The following SLC45A4 variants were observed in gnomAD, a reference collection of about 807,000 sequenced individuals.
The protein encoded by SLC45A4 is polyamine-transporter SLC45A4.
Under a neutral mutation model 63.7 loss-of-function variants are expected in SLC45A4, and 32 were observed. The observed-to-expected ratio is 0.50, with a 90% confidence interval of 0.38 to 0.67. The LOEUF is 0.67. SLC45A4 is among the 30% of genes least tolerant of loss of function. The pLI, the probability that SLC45A4 is intolerant of heterozygous loss-of-function variation, is 0.00. For synonymous variants in SLC45A4, 535 were observed against 510.0 expected, an observed-to-expected ratio of 1.05 and a Z score of -0.66; for missense variants, 1,027 against 1,157.7, an observed-to-expected ratio of 0.89 and a Z score of 1.64.
intron 1 of SLC45A4, among the ~76,000 whole-genome samples, chr8:141,264,674 C>T (rs1421879259): frequency 6.6e-6 from 1 of 152,196 alleles, no homozygotes; most frequent in Non-Finnish European, 1.5e-5. Context: ...AGAACAACAG[C>T]GCTCCTGCAC....
At chr8:141,289,193 G>A (rs892971973) in intron 1 of SLC45A4, among the ~76,000 whole-genome samples, 1 of 152,154 alleles carries the variant, frequency 6.6e-6, no homozygotes, top group Non-Finnish European at 1.5e-5. Flanking sequence ...AGGGGCAGAG[G>A]CGGGGATGGC....
chr8:141,269,203 A>G (rs1425821741), intron 1 of SLC45A4, among the ~76,000 whole-genome samples: 1 of 152,254 alleles, frequency 6.6e-6, no homozygotes, highest in Non-Finnish European at 1.5e-5. Context: ...TTCACCCTCA[A>G]GAGTGTCCCA....
intron 1 of SLC45A4, among the ~76,000 whole-genome samples, chr8:141,296,501 A>T (rs1157235441): frequency 2.4e-4 from 4 of 16,966 alleles, no homozygotes; most frequent in Non-Finnish European, 4.5e-4. Flanking sequence ...CTCATTTCTT[A>T]AAAAAAAAAA....
intron 2 of SLC45A4, among the ~76,000 whole-genome samples, chr8:141,232,282 C>T (rs1025488690): frequency 8.5e-5 from 13 of 152,270 alleles, no homozygotes; most frequent in African/African-American, 2.9e-4. Flanking sequence ...TGGCCATGGG[C>T]TGGTTCACGT....
At chr8:141,240,294 G>A (rs1468002840) in intron 2 of SLC45A4, among the ~76,000 whole-genome samples, 1 of 152,226 alleles carries the variant, frequency 6.6e-6, no homozygotes. Context: ...TCTAACTCAT[G>A]AGTCAAACTG....
Position 141,229,747 on chromosome 8 carries a change from C to A in SLC45A4, c.242-7982G>T, listed in dbSNP as rs1827242541. Among the ~76,000 whole-genome samples the A allele has an allele frequency of 6.6e-6, 1 of 152,176 alleles. No individual in the cohort carries two copies. ...CCTGCACCTCCCTCACAGCCAAAGC[C>A]TGGCCAACAGCAGGGGCCACAAGGC... On this transcript the variant is annotated intron_variant, in intron 2 of 8. Coordinates refer to ENST00000517878, the MANE Select transcript of SLC45A4 (RefSeq NM_001286646.2). The surrounding 1 kb of genome is among the most constrained non-coding windows in gnomAD (Gnocchi z 5.0).
Position 141,211,324 on chromosome 8 carries a change from T to G in SLC45A4, c.*248A>C. The stretch of plus-strand genomic sequence containing the variant: ...TTCAGACGGGACGAGCGGGGTCACA[T>G]GGCTGGGCGCAGACACACTCACACG... On this transcript the variant is annotated 3_prime_UTR_variant, in exon 9 of 9. Transcript: ENST00000517878. 8.0e-7 allele frequency: 1 copy of G among 1,248,396 alleles called. No homozygotes were observed. The highest frequency in any genetic ancestry group is 1.1e-6 in the Non-Finnish European group (1 of 928,884). 77.3% of individuals were successfully genotyped at this position (1,248,396 alleles called of 1,614,324 possible). A position where few individuals can be genotyped will look rare whatever the true frequency, so the allele number is the denominator to read the frequency against.
intron 1 of SLC45A4, among the ~76,000 whole-genome samples, chr8:141,284,333 T>G (rs1431926944): frequency 6.6e-5 from 10 of 152,158 alleles, no homozygotes; most frequent in Non-Finnish European, 1.3e-4. Context: ...AGTGTGCACT[T>G]GAGGGCACCT....
rs1213709262 is a variant in SLC45A4, at chr8:141,252,774, C to T, written c.241+1215G>A. 1.7e-4 allele frequency among the ~76,000 whole-genome samples: 23 copies of T among 139,324 alleles called. No homozygotes were observed. The South Asian group carries it at 4.0e-3, about 24-fold the overall frequency. 91.4% of individuals were successfully genotyped at this position (139,324 alleles called of 152,430 possible). ...CTGCGTCTGTGAATTTCCGTTTTCA[C>T]GCCCACCTGTGCGTCTGTGAATTTC... On this transcript the variant is annotated intron_variant, in intron 2 of 8. Transcript: ENST00000517878.
At position 141,218,296 on chromosome 8, in the gene SLC45A4, C is replaced by G. The variant is rs1301692674; in HGVS notation, c.1344G>C (p.Leu448=). 1.9e-6 allele frequency: 3 copies of G among 1,605,852 alleles called. No homozygotes were observed. Among genetic ancestry groups the G allele is most frequent in the Non-Finnish European group, 2.5e-6 (3 of 1,179,864 alleles). Residue 448 remains leucine, a synonymous_variant, in exon 5 of 9, where the codon CTG becomes CTC. Transcript: ENST00000517878. Reference sequence around the variant, plus strand: ...CGCTCATGCTGCGCGACGGCTTGATCAGCACCACGGCGTTGGCGCGCCGGT... The same window carrying G: ...CGCTCATGCTGCGCGACGGCTTGATGAGCACCACGGCGTTGGCGCGCCGGT... The part of the protein sequence containing the change: ...YRYRRANAVV[L]IKPSRSMSDL...
chr8:141,234,148 T>C (rs147839936), intron 2 of SLC45A4, among the ~76,000 whole-genome samples: 3 of 152,382 alleles, frequency 2.0e-5, no homozygotes, highest in Admixed American at 6.5e-5. Context: ...TTCTTCTCTA[T>C]GTCCACTGAG....
Position 141,219,699 on chromosome 8 carries a change from C to T in SLC45A4, c.561G>A (p.Val187=). The T allele has an allele frequency of 6.2e-7, 1 of 1,612,626 alleles. No homozygotes were observed. Among genetic ancestry groups the T allele is most frequent in the Non-Finnish European group, 8.5e-7 (1 of 1,179,618 alleles). The change falls in exon 4 of 9, where the codon GTG becomes GTA. Residue 187 remains valine (V), a synonymous_variant. Coordinates refer to ENST00000517878, the MANE Select transcript of SLC45A4 (RefSeq NM_001286646.2). ...GPIRAYLLDV[V]DSEEQDMALN... is the part of the protein sequence containing the mutation. ...GGGCCATGTCCTGCTCCTCGCTGTC[C>T]ACCACGTCCAGCAGATAGGCACGGA... is the stretch of plus-strand genomic sequence containing the variant.
At chr8:141,259,885 G>GA (rs1363838693) in intron 1 of SLC45A4, among the ~76,000 whole-genome samples, 1 of 152,216 alleles carries the variant, frequency 6.6e-6, no homozygotes, top group African/African-American at 2.4e-5. Flanking sequence ...TGAAGCGAAT[G>GA]AATGAATAAG....
At chr8:141,242,575 A>G (rs1827965768) in intron 2 of SLC45A4, among the ~76,000 whole-genome samples, 1 of 152,198 alleles carries the variant, frequency 6.6e-6, no homozygotes. Flanking sequence ...ATGAGAATAC[A>G]AAGTTGCTCA....
At chr8:141,276,076 C>A (rs1477836767) in intron 1 of SLC45A4, among the ~76,000 whole-genome samples, 1 of 152,064 alleles carries the variant, frequency 6.6e-6, no homozygotes, top group Non-Finnish European at 1.5e-5. Flanking sequence ...CCATACCTAG[C>A]TGATTTTTTG....
At chr8:141,228,252 G>C in intron 2 of SLC45A4, 1 of 1,613,926 alleles carries the variant, frequency 6.2e-7, no homozygotes, top group Non-Finnish European at 8.5e-7. Flanking sequence ...CTGAGGCTGG[G>C]CTTGCTTTCC....
Position 141,275,530 on chromosome 8 carries a change from C to T in SLC45A4, c.-400-20901G>A, listed in dbSNP as rs534180805. Reference sequence around the variant, plus strand: ...GGAGGATCACTTGAGTCCTGGAATTCGGGGCTGCAGTGAACCATGACTCCA... The same window carrying T: ...GGAGGATCACTTGAGTCCTGGAATTTGGGGCTGCAGTGAACCATGACTCCA... On this transcript the variant is annotated intron_variant, in intron 1 of 8. Transcript: ENST00000517878. 1.2e-4 allele frequency among the ~76,000 whole-genome samples: 18 copies of T among 151,210 alleles called. No homozygotes were observed. The South Asian group carries it at 2.6e-3, about 22-fold the overall frequency.
chr8:141,212,729 T>C (rs1159257993), intron 7 of SLC45A4, among the ~76,000 whole-genome samples, 173 bp from the exon 8 acceptor site: 1 of 152,140 alleles, frequency 6.6e-6, no homozygotes, highest in African/African-American at 2.4e-5. Context: ...TGTCCAGCAC[T>C]GTACAGGCGG....
At chr8:141,280,305 G>T (rs576898320) in intron 1 of SLC45A4, among the ~76,000 whole-genome samples, 4 of 152,200 alleles carry the variant, frequency 2.6e-5, no homozygotes, top group Non-Finnish European at 5.9e-5. Context: ...CTGATGGCCA[G>T]GCGCCTGGCA....
Sources: allele counts gnomAD v4.1 joint callset (sites outside exome capture counted in the v4.1 genomes callset), GRCh38; gene constraint gnomAD v4.1.1; non-coding constraint Gnocchi (gnomAD v3.1); transcripts MANE v1.5; gene names NCBI Gene and HGNC (gene_info 2026-07-23, HGNC 2026-07-21).